APBB1: variants seen among roughly 807,000 people sequenced by gnomAD.
The protein encoded by APBB1 is amyloid beta precursor protein binding family B member 1, also known as adaptor protein FE65a2.
In APBB1, 22 loss-of-function variants were observed where a neutral mutation model predicts 78.4. The ratio of observed to expected loss-of-function variants is 0.28; its 90% CI spans 0.20 to 0.40. The LOEUF (loss-of-function observed/expected upper bound fraction) is 0.40, where lower values mean the gene tolerates loss of function less well. Among genes scored for constraint, APBB1 ranks in the 10% least tolerant of loss-of-function variants. The probability of loss-of-function intolerance (pLI) is 1.00; values close to 1 mark genes in which losing one functional copy is unlikely to be tolerated. For missense variants in APBB1, 749 were observed against 932.4 expected (o/e 0.80, Z 2.56); for synonymous variants, 369 against 372.7 (o/e 0.99, Z 0.12).
chr11:6,395,291 G>A lies in APBB1; in HGVS notation c.*243C>T. 2 of 409,136 alleles carry A rather than the reference G, an allele frequency of 4.9e-6. No individual in the cohort carries two copies. Among genetic ancestry groups the A allele is most frequent in the Non-Finnish European group, 8.6e-6 (2 of 231,480 alleles). 25.3% of individuals were successfully genotyped at this position (409,136 alleles called of 1,614,324 possible). A position where few individuals can be genotyped will look rare whatever the true frequency, so the allele number is the denominator to read the frequency against. On this transcript the variant is annotated 3_prime_UTR_variant, in exon 15 of 15. Coordinates refer to ENST00000609360, the MANE Select transcript of APBB1 (RefSeq NM_001164.5). This position sits in a 1 kb window ranked among gnomAD's most constrained non-coding sequence, Gnocchi z 5.2. ...TCCTCCTGTTCCACCTGAAACACAT[G>A]GGGATGGAGAACCAGGGCTGGCCTT...
chr11:6,416,598 G>A (rs1347426926), intron 1 of APBB1, among the ~76,000 whole-genome samples: 1 of 152,100 alleles, frequency 6.6e-6, no homozygotes, highest in African/African-American at 2.4e-5. Context: ...TGAAGTAGGG[G>A]TACATCTTGA....
At chr11:6,407,773 AT>A (rs34560475) in intron 2 of APBB1, among the ~76,000 whole-genome samples, 3,141 of 137,612 alleles carry the variant, frequency 0.023, 76 homozygotes, top group African/African-American at 0.072. Context: ...TAGTAGAAGT[AT>A]TTTTTTTTTT....
chr11:6,405,927 T>A (rs1019142494), intron 2 of APBB1, among the ~76,000 whole-genome samples: 5 of 152,206 alleles, frequency 3.3e-5, no homozygotes, highest in Non-Finnish European at 7.3e-5. Context: ...GCCTGCTTCA[T>A]GAGGGCTGGC....
chr11:6,418,882 C>G, intron 1 of APBB1, 103 bp downstream of exon 1: 1 of 361,712 alleles, frequency 2.8e-6, no homozygotes, highest in Non-Finnish European at 4.9e-6. Flanking sequence ...TGGGGCCGGC[C>G]GGGGGACCCG....
chr11:6,413,037 A>G (rs114221570), intron 1 of APBB1, among the ~76,000 whole-genome samples: 3,554 of 145,374 alleles, frequency 0.024, 156 homozygotes, highest in African/African-American at 0.088. Context: ...CATCCTCCCC[A>G]CTCTCCCTGA....
chr11:6,416,556 G>A (rs1849121216), intron 1 of APBB1, among the ~76,000 whole-genome samples: 2 of 152,132 alleles, frequency 1.3e-5, no homozygotes, highest in Admixed American at 1.3e-4. Flanking sequence ...CCCGGCTCAT[G>A]GAATGATAGA....
chr11:6,412,027 T>A (rs1171183875), intron 1 of APBB1, among the ~76,000 whole-genome samples: 1 of 152,204 alleles, frequency 6.6e-6, no homozygotes, highest in Admixed American at 6.5e-5. Flanking sequence ...ACAATTTCCA[T>A]GAAGTAGCTC....
chr11:6,404,973 G>A (rs1590781006), intron 2 of APBB1: 1 of 1,436,868 alleles, frequency 7.0e-7, no homozygotes, highest in South Asian at 1.5e-5. Context: ...TTGCTAGGGA[G>A]GGGCCAGGAC....
chr11:6,398,764 C>A (rs1590760693), intron 12 of APBB1, among the ~76,000 whole-genome samples: 1 of 152,210 alleles, frequency 6.6e-6, no homozygotes, highest in Non-Finnish European at 1.5e-5. Context: ...AAATCCAAAC[C>A]TTCTTTCAAA....
chr11:6,404,956 T>C (rs1848734386), intron 2 of APBB1: 1 of 1,438,988 alleles, frequency 6.9e-7, no homozygotes, highest in African/African-American at 1.4e-5. Flanking sequence ...CCTCCCCCGC[T>C]TGGAGCTTGC....
intron 1 of APBB1, among the ~76,000 whole-genome samples, chr11:6,412,485 T>A (rs774332178): frequency 2.0e-5 from 3 of 152,156 alleles, no homozygotes; most frequent in Non-Finnish European, 4.4e-5. Flanking sequence ...TGTCACAGCC[T>A]CAGTGAAGCC....
chr11:6,411,028 G>A lies in APBB1; in HGVS notation c.320C>T (p.Pro107Leu), dbSNP rs1482586372. The change falls in exon 2 of 15, where the codon CCC (proline) becomes CTC (leucine). Residue 107 changes from proline to leucine, a missense_variant. Around this residue, in one of 3 missense-constraint regions of APBB1, gnomAD observed 635 missense variants for 765.0 expected, o/e 0.83. Transcript: ENST00000609360. The surrounding 1 kb of genome is among the most constrained non-coding windows in gnomAD (Gnocchi z 5.2). ...EEASQEPEMA[P>L]LGPKGLIHLY... ...GTGTATCAGGCCTTTGGGGCCCAAGGGTGCCATCTCAGGCTCCTGGCTGGC... is the reference window on the plus strand; with the variant it reads ...GTGTATCAGGCCTTTGGGGCCCAAGAGTGCCATCTCAGGCTCCTGGCTGGC... 8.1e-6 allele frequency: 13 copies of A among 1,613,982 alleles called. No individual in the cohort carries two copies. Among genetic ancestry groups the A allele is most frequent in the Admixed American group, 3.3e-5 (2 of 60,014 alleles).
In APBB1 at chr11:6,402,653, C is replaced by T. The variant is rs1346037295; in HGVS notation, c.1177G>A (p.Ala393Thr). Reference sequence around the variant, plus strand: ...AGCTGACGGATGCAATTGTTGACTGCCACACTGCTGCGTCCAGGGGCCAGC... The same window carrying T: ...AGCTGACGGATGCAATTGTTGACTGTCACACTGCTGCGTCCAGGGGCCAGC... ...EELAPGRSSV[A>T]VNNCIRQLSY... The change falls in exon 7 of 15, where the codon GCA (alanine) becomes ACA (threonine). Residue 393 changes from alanine to threonine, a missense_variant. Ala to Thr is a moderately conservative substitution (Grantham distance 58). This residue lies in a region of APBB1 where 635 missense variants were observed against 765.0 expected (regional missense o/e 0.83). Coordinates refer to ENST00000609360, the MANE Select transcript of APBB1 (RefSeq NM_001164.5). 6.2e-7 allele frequency: 1 copy of T among 1,614,122 alleles called. No homozygotes were observed. Among genetic ancestry groups the T allele is most frequent in the Non-Finnish European group, 8.5e-7 (1 of 1,180,034 alleles).
chr11:6,415,556 T>G (rs1478094083), intron 1 of APBB1, among the ~76,000 whole-genome samples: 1 of 152,160 alleles, frequency 6.6e-6, no homozygotes, highest in Non-Finnish European at 1.5e-5. Flanking sequence ...AGGAGGGCAT[T>G]ACAGGAACCT....
chr11:6,402,666 T>A lies in APBB1; in HGVS notation c.1164A>T (p.Gly388=). ...AATTGTTGACTGCCACACTGCTGCG[T>A]CCAGGGGCCAGCTCCTCCTCGGTCA... ...VEMTEEELAP[G]RSSVAVNNCI... Residue 388 remains glycine, a synonymous_variant, in exon 7 of 15, where the codon GGA becomes GGT. Transcript: ENST00000609360. The A allele has an allele frequency of 6.2e-7, 1 of 1,614,130 alleles. No homozygotes were observed. Among genetic ancestry groups the A allele is most frequent in the East Asian group, 2.2e-5 (1 of 44,880 alleles).
chr11:6,402,732 GAC>G lies in APBB1; in HGVS notation c.1105-9_1105-8del, dbSNP rs769654140. 2 of 1,614,110 alleles carry G rather than the reference GAC, an allele frequency of 1.2e-6. No individual in the cohort carries two copies. Among genetic ancestry groups the G allele is most frequent in the Admixed American group, 1.7e-5 (1 of 60,016 alleles). ...GGGAGCGCACGGCGAAACACTGCCA[GAC>G]ACAGAAGAGGGGCAGGAGGTAGAGG... On this transcript the variant is annotated splice_region_variant and splice_polypyrimidine_tract_variant and intron_variant, in intron 6 of 14. Coordinates refer to ENST00000609360, the MANE Select transcript of APBB1 (RefSeq NM_001164.5).
At chr11:6,415,519 G>T (rs947234990) in intron 1 of APBB1, among the ~76,000 whole-genome samples, 13 of 152,286 alleles carry the variant, frequency 8.5e-5, no homozygotes, top group Middle Eastern at 3.4e-3. Context: ...TTCCCTATTT[G>T]TTGACTGAAT....
At position 6,401,675 on chromosome 11, in the gene APBB1, C is replaced by T. The variant is rs1394180630; in HGVS notation, c.1402G>A (p.Val468Ile). 2.5e-6 allele frequency: 4 copies of T among 1,614,060 alleles called. No homozygotes were observed. The highest frequency in any genetic ancestry group is 1.7e-6 in the Non-Finnish European group (2 of 1,180,034). ...ATCTGGGTCAGCTTATCACGAGCTA[C>T]GTAGGCAAAGTCCCTGTTGGGGAAG... ...DSGRERDFAY[V>I]ARDKLTQMLK... Residue 468 changes from valine to isoleucine, a missense_variant, in exon 10 of 15, where the codon GTA (valine) becomes ATA (isoleucine). By Grantham distance (29) the Val-to-Ile change is conservative. This residue lies in a region of APBB1 where 635 missense variants were observed against 765.0 expected (regional missense o/e 0.83). Transcript: ENST00000609360. This position sits in a 1 kb window ranked among gnomAD's most constrained non-coding sequence, Gnocchi z 4.5.
intron 2 of APBB1, chr11:6,405,289 C>T (rs1748679133): frequency 2.0e-6 from 2 of 992,498 alleles, no homozygotes; most frequent in South Asian, 9.2e-5. Context: ...CCAGGACCTG[C>T]ACAGCAGTTT....
Sources: gnomAD v4.1 joint callset for allele counts (sites outside exome capture counted in the v4.1 genomes callset) on GRCh38, gnomAD v4.1.1 for gene constraint, gnomAD v4.1.1 regional missense constraint, Gnocchi (gnomAD v3.1) non-coding constraint, MANE v1.5 for transcripts, NCBI Gene and HGNC (gene_info 2026-07-23, HGNC 2026-07-21) for gene names.